HCN2: variants seen among roughly 807,000 people sequenced by gnomAD.
HCN2 encodes the protein hyperpolarization activated cyclic nucleotide gated potassium and sodium channel 2.
HCN2 carries 20 observed loss-of-function variants against 52.3 expected under a neutral mutation model. The observed-to-expected ratio is 0.38, with a 90% CI of 0.27 to 0.56. The LOEUF (loss-of-function observed/expected upper bound fraction) is 0.56, where lower values mean the gene tolerates loss of function less well. Ranked by LOEUF, HCN2 falls within the 20% of genes least tolerant of loss-of-function variation. The pLI is 0.71. For synonymous variants in HCN2, 694 were observed against 537.0 expected (o/e 1.29, Z -4.04); for missense variants, 981 against 1,207.7 (o/e 0.81, Z 2.78).
rs1161335269 is a variant in HCN2, at chr19:616,585, C to T, written c.*111C>T. 2 of 636,688 alleles carry T rather than the reference C, an allele frequency of 3.1e-6. No individual in the cohort carries two copies. The highest frequency in any genetic ancestry group is 4.2e-6 in the Non-Finnish European group (2 of 478,756). 39.4% of individuals were successfully genotyped at this position (636,688 alleles called of 1,614,324 possible). ...CGCCAGTCCGCCCAGAAGCCATAGA[C>T]GAGACGTAGGTAGCCGTAGTTGGAC... On this transcript the variant is annotated 3_prime_UTR_variant, in exon 8 of 8. Coordinates refer to ENST00000251287, the MANE Select transcript of HCN2 (RefSeq NM_001194.4).
intron 1 of HCN2, among the ~76,000 whole-genome samples, chr19:596,446 G>A (rs1983032705): frequency 6.6e-6 from 1 of 152,228 alleles, no homozygotes; most frequent in African/African-American, 2.4e-5. Flanking sequence ...CCTCATCCCG[G>A]CCTCCGGAGC....
chr19:604,461 GTGGAGT>G (rs1983331730), intron 2 of HCN2, among the ~76,000 whole-genome samples: 1 of 145,746 alleles, frequency 6.9e-6, no homozygotes, highest in Admixed American at 6.8e-5. Flanking sequence ...TGCTGCTGGG[GTGGAGT>G]CAAGCAGCAG....
At position 613,229 on chromosome 19, in the gene HCN2, C is replaced by T. The variant is rs75873150; in HGVS notation, c.1585-19C>T. 1.2e-6 allele frequency: 2 copies of T among 1,602,744 alleles called. No homozygotes were observed. The highest frequency in any genetic ancestry group is 1.3e-5 in the African/African-American group (1 of 74,796). On this transcript the variant is annotated intron_variant, in intron 5 of 7. Coordinates refer to ENST00000251287, the MANE Select transcript of HCN2 (RefSeq NM_001194.4). ...GGAGTGGGGTCCGCAGCGGACCCAG[C>T]CCTGCCTCCCCCCTGCAGGAGATCG...
rs1600545924 is a variant in HCN2 at position 616,850 on chromosome 19, A to G, written c.*376A>G. The G allele has an allele frequency of 1.4e-5, 2 of 144,810 alleles. No individual in the cohort carries two copies. Among genetic ancestry groups the G allele is most frequent in the Admixed American group, 7.2e-5 (1 of 13,864 alleles). The allele number at this position is 144,810 out of a possible 1,614,324, so 9.0% of individuals were successfully genotyped here. Reference sequence around the variant, plus strand: ...CCCTCTAGGTGGCCCCCGTCCGAGGAGGATCGTTTTCTAAGTGCAATACTT... The same window carrying G: ...CCCTCTAGGTGGCCCCCGTCCGAGGGGGATCGTTTTCTAAGTGCAATACTT... On this transcript the variant is annotated 3_prime_UTR_variant, in exon 8 of 8. Transcript: ENST00000251287.
intron 4 of HCN2, 99 bp from the exon 5 acceptor site, chr19:610,160 G>A (rs1385937319): frequency 7.0e-7 from 1 of 1,431,702 alleles, no homozygotes; most frequent in Non-Finnish European, 9.6e-7. Flanking sequence ...TGGGGGCGGT[G>A]TCTGACCCAG....
At chr19:610,938 A>T (rs919295340) in intron 5 of HCN2, among the ~76,000 whole-genome samples, 1 of 152,054 alleles carries the variant, frequency 6.6e-6, no homozygotes, top group South Asian at 2.1e-4. Context: ...CCTGGGGAGG[A>T]TCCTTCCTGC....
chr19:603,823 C>T lies in HCN2; in HGVS notation c.912C>T (p.Ile304=), dbSNP rs755366627. 3 of 1,612,776 alleles carry T rather than the reference C, an allele frequency of 1.9e-6. No individual in the cohort carries two copies. The highest frequency in any genetic ancestry group is 4.5e-5 in the East Asian group (2 of 44,862). The change falls in exon 2 of 8, where the codon ATC becomes ATT. Residue 304 remains isoleucine (I), a synonymous_variant. Transcript: ENST00000251287. ...TGTCCTCCATCCCCGTGGACTACAT[C>T]TTCCTTATCGTGGAGAAGGGCATTG... ...DFVSSIPVDY[I]FLIVEKGIDS...
chr19:604,408 C>T (rs1983329489), intron 2 of HCN2, among the ~76,000 whole-genome samples: 1 of 129,530 alleles, frequency 7.7e-6, no homozygotes, highest in African/African-American at 3.1e-5. Context: ...GTGGGGCTAT[C>T]AGGTTGCTGA....
At chr19:595,859 C>A (rs138984236) in intron 1 of HCN2, among the ~76,000 whole-genome samples, 80 of 152,394 alleles carry the variant, frequency 5.2e-4, no homozygotes, top group African/African-American at 1.8e-3. Context: ...CACCGACCTC[C>A]GGCCCCTAAT....
rs372314277 is a variant in HCN2, at chr19:615,817, G to A, written c.2013G>A (p.Leu671=). Residue 671 remains leucine (L), a synonymous_variant, in exon 8 of 8, where the codon CTG becomes CTA. Transcript: ENST00000251287. Reference sequence around the variant, plus strand: ...CAGGCAAGAAGAATTCCATCCTCCTGCACAAGGTGCAGCATGACCTCAACT... The same window carrying A: ...CAGGCAAGAAGAATTCCATCCTCCTACACAAGGTGCAGCATGACCTCAACT... ...DRIGKKNSIL[L]HKVQHDLNSG... is the part of the protein sequence containing the mutation. 1.2e-6 allele frequency: 2 copies of A among 1,612,122 alleles called. No individual in the cohort carries two copies. The highest frequency in any genetic ancestry group is 1.7e-6 in the Non-Finnish European group (2 of 1,179,624).
At position 616,195 on chromosome 19, in the gene HCN2, C is replaced by G; in HGVS notation, c.2391C>G (p.Gly797=). Residue 797 remains glycine, a synonymous_variant, in exon 8 of 8, where the codon GGC becomes GGG. Coordinates refer to ENST00000251287, the MANE Select transcript of HCN2 (RefSeq NM_001194.4). ...PRAPRTSPYG[G]LPAAPLAGPA... is the part of the protein sequence containing the mutation. ...CACCGCGGACCTCGCCCTACGGCGGCCTGCCCGCCGCCCCCCTTGCTGGGC... is the reference window on the plus strand; with the variant it reads ...CACCGCGGACCTCGCCCTACGGCGGGCTGCCCGCCGCCCCCCTTGCTGGGC... The G allele has an allele frequency of 1.1e-5, 11 of 981,482 alleles. No individual in the cohort carries two copies. The highest frequency in any genetic ancestry group is 1.3e-5 in the Non-Finnish European group (11 of 828,256). The allele number at this position is 981,482 out of a possible 1,614,324, so 60.8% of individuals were successfully genotyped here.
intron 1 of HCN2, among the ~76,000 whole-genome samples, chr19:599,241 G>A (rs1053198276): frequency 3.9e-5 from 6 of 152,216 alleles, no homozygotes; most frequent in Admixed American, 1.3e-4. Flanking sequence ...GAAGTGGAGC[G>A]TCTGGGTCAC....
rs199644125 is a variant in HCN2 at position 592,201 on chromosome 19, G to A, written c.632+1624G>A. On this transcript the variant is annotated intron_variant, in intron 1 of 7. Transcript: ENST00000251287. The surrounding 1 kb of genome is among the most constrained non-coding windows in gnomAD (Gnocchi z 4.8). ...GACCGGAGAGGGACGCGGTGGAGAG[G>A]GAGCTGTAGAACGTGCCCACTCCCC... is the stretch of plus-strand genomic sequence containing the variant. Among the ~76,000 whole-genome samples the A allele has an allele frequency of 1.6e-4, 24 of 152,348 alleles. No homozygotes were observed. In the East Asian group the frequency reaches 4.2e-3, roughly 27 times the overall value.
chr19:604,108 G>A (rs1337639559), intron 2 of HCN2, 141 bp downstream of exon 2: 2 of 638,768 alleles, frequency 3.1e-6, no homozygotes, highest in Non-Finnish European at 2.6e-6. Flanking sequence ...GAGAGATCTG[G>A]GTGGGGTCAA....
chr19:595,780 G>A lies in HCN2; in HGVS notation c.632+5203G>A, dbSNP rs375429487. On this transcript the variant is annotated intron_variant, in intron 1 of 7. Transcript: ENST00000251287. ...TTTCTTAATCCTGGGCACCTGCCAC[G>A]GATCTGGCCATGACTCCACAGCTGA... 1.5e-4 allele frequency among the ~76,000 whole-genome samples: 23 copies of A among 152,270 alleles called. No homozygotes were observed. In the East Asian group the frequency reaches 1.9e-3, roughly 13 times the overall value.
chr19:605,341 AG>A (rs2144519562), intron 3 of HCN2, 119 bp downstream of exon 3: 1 of 755,146 alleles, frequency 1.3e-6, no homozygotes, highest in East Asian at 3.1e-5. Context: ...GTGGGGACCC[AG>A]GCGCCCCCTT....
Position 611,208 on chromosome 19 carries a change from G to C in HCN2, c.1584+803G>C, listed in dbSNP as rs373766164. ...TCAGCCTGTCTTTCTGGGAGATGTA[G>C]TTCAACCCACAACACACATCAAACA... On this transcript the variant is annotated intron_variant, in intron 5 of 7. Transcript: ENST00000251287. 6.6e-5 allele frequency among the ~76,000 whole-genome samples: 10 copies of C among 152,360 alleles called. No homozygotes were observed. In the East Asian group the frequency reaches 7.7e-4, roughly 12 times the overall value.
At position 613,358 on chromosome 19, in the gene HCN2, C is replaced by T. The variant is rs917789132; in HGVS notation, c.1695C>T (p.Phe565=). ...AMLTKLKFEV[F]QPGDYIIREG... Reference sequence around the variant, plus strand: ...TGACCAAGCTCAAGTTCGAGGTCTTCCAGCCGGGTGACTACATCATCCGCG... The same window carrying T: ...TGACCAAGCTCAAGTTCGAGGTCTTTCAGCCGGGTGACTACATCATCCGCG... The change falls in exon 6 of 8, where the codon TTC becomes TTT. Residue 565 remains phenylalanine (F), a synonymous_variant. Coordinates refer to ENST00000251287, the MANE Select transcript of HCN2 (RefSeq NM_001194.4). The T allele has an allele frequency of 6.2e-7, 1 of 1,613,034 alleles. No individual in the cohort carries two copies.
At chr19:596,189 G>A (rs962602710) in intron 1 of HCN2, among the ~76,000 whole-genome samples, 4 of 152,230 alleles carry the variant, frequency 2.6e-5, no homozygotes, top group Non-Finnish European at 5.9e-5. Flanking sequence ...CCCTGAGCTC[G>A]GGGCAGGAGA....
Sources: gnomAD v4.1 joint callset for allele counts (sites outside exome capture counted in the v4.1 genomes callset) on GRCh38, gnomAD v4.1.1 for gene constraint, Gnocchi (gnomAD v3.1) non-coding constraint, MANE v1.5 for transcripts, NCBI Gene and HGNC (gene_info 2026-07-23, HGNC 2026-07-21) for gene names.